The following PDE4D variants were observed in gnomAD, a reference collection of about 807,000 sequenced individuals.
The protein encoded by PDE4D is phosphodiesterase 4D, also known as 3',5'-cyclic-AMP phosphodiesterase 4D.
A neutral mutation model predicts 87.4 loss-of-function variants in PDE4D; 24 were observed. That is an observed-to-expected ratio of 0.27 (90% confidence interval 0.20 to 0.39). The LOEUF (loss-of-function observed/expected upper bound fraction) is 0.39. Ranked by LOEUF, PDE4D falls within the 10% of genes least tolerant of loss-of-function variation. The pLI is 1.00. For synonymous variants in PDE4D, 384 were observed against 383.2 expected (o/e 1.00, Z -0.02); for missense variants, 714 against 1,041.0 (o/e 0.69, Z 4.32).
At chr5:58,999,660 A>C in intron 6 of PDE4D, 1 of 1,130,196 alleles carries the variant, frequency 8.8e-7, no homozygotes, top group Non-Finnish European at 1.1e-6. Context: ...GAGTTTTTAA[A>C]GATTTTTGGT....
In PDE4D at chr5:58,973,873, A is replaced by G. The variant is rs1170641494; in HGVS notation, c.*791T>C. ...AAGTCATTGGTATATAAAACAAACAATGAATCACTACAAATCAGTTAATTG... is the reference window on the plus strand; with the variant it reads ...AAGTCATTGGTATATAAAACAAACAGTGAATCACTACAAATCAGTTAATTG... On this transcript the variant is annotated 3_prime_UTR_variant, in exon 15 of 15. Coordinates refer to ENST00000340635, the MANE Select transcript of PDE4D (RefSeq NM_001104631.2). 1 of 152,636 alleles carries G rather than the reference A, an allele frequency of 6.6e-6. No individual in the cohort carries two copies. Among genetic ancestry groups the G allele is most frequent in the East Asian group, 1.9e-4 (1 of 5,192 alleles). The allele number at this position is 152,636 out of a possible 1,614,324, so 9.5% of individuals were successfully genotyped here. A position where few individuals can be genotyped will look rare whatever the true frequency, so the allele number is the denominator to read the frequency against.
At chr5:59,779,092 G>A (rs1764353223) in intron 1 of PDE4D, among the ~76,000 whole-genome samples, 1 of 152,020 alleles carries the variant, frequency 6.6e-6, no homozygotes, top group African/African-American at 2.4e-5. Flanking sequence ...GACCTAGGAG[G>A]CGGAGGTTGC....
chr5:59,668,812 AGAAGAAGAAGAAGAAGAAGAG>A (rs1746551876), intron 1 of PDE4D, among the ~76,000 whole-genome samples: 1 of 90,522 alleles, frequency 1.1e-5, no homozygotes, highest in African/African-American at 5.3e-5. Flanking sequence ...AGAAAGAAGA[AGAAGAAGAAGAAGAAGAAGAG>A]GAAGAGGAAG....
At chr5:60,402,595 C>T (rs1299651702) in intron 1 of PDE4D, among the ~76,000 whole-genome samples, 1 of 152,198 alleles carries the variant, frequency 6.6e-6, no homozygotes, top group East Asian at 1.9e-4. Flanking sequence ...AGTGGACAGT[C>T]ACGCTTCAGA....
At chr5:60,063,720 AT>A (rs1232864191) in intron 2 of PDE4D, among the ~76,000 whole-genome samples, 5 of 152,148 alleles carry the variant, frequency 3.3e-5, no homozygotes, top group Non-Finnish European at 7.4e-5. Context: ...AGTATAACTG[AT>A]TTTAATAGAT....
chr5:60,456,126 G>A (rs555368310), intron 1 of PDE4D, among the ~76,000 whole-genome samples: 104 of 152,242 alleles, frequency 6.8e-4, no homozygotes, highest in African/African-American at 2.4e-3. Context: ...GTTCACCTTC[G>A]GGAGATGAGA....
chr5:59,525,220 A>T (rs1434871615), intron 1 of PDE4D, among the ~76,000 whole-genome samples: 1 of 152,158 alleles, frequency 6.6e-6, no homozygotes, highest in Non-Finnish European at 1.5e-5. Context: ...ACCCTGAAAA[A>T]CCACAGGGGT....
intron 1 of PDE4D, among the ~76,000 whole-genome samples, chr5:59,647,690 A>C (rs189869656): frequency 1.3e-5 from 2 of 152,284 alleles, no homozygotes; most frequent in African/African-American, 4.8e-5. Flanking sequence ...CTGTGAAAAC[A>C]CTTTAAGTAT....
intron 3 of PDE4D, among the ~76,000 whole-genome samples, chr5:59,910,570 G>A (rs1162078579): frequency 1.3e-5 from 2 of 152,130 alleles, no homozygotes; most frequent in African/African-American, 2.4e-5. Flanking sequence ...AATCTTGTTG[G>A]CTGATTCAAG....
intron 1 of PDE4D, among the ~76,000 whole-genome samples, chr5:60,408,341 C>T (rs1005790112): frequency 3.9e-5 from 6 of 152,214 alleles, no homozygotes; most frequent in Admixed American, 2.0e-4. Flanking sequence ...TGATCTTTCT[C>T]TGTGGAGGCT....
intron 5 of PDE4D, among the ~76,000 whole-genome samples, chr5:59,145,525 A>G (rs1778511126): frequency 1.3e-5 from 2 of 152,350 alleles, no homozygotes; most frequent in South Asian, 4.1e-4. Flanking sequence ...CAATGAATGG[A>G]TTTAAAATGC....
chr5:60,515,601 C>CTTTTTTTTTTTTTTTT lies in PDE4D; in HGVS notation n.70+6434_70+6449dup, dbSNP rs954970783. Among the ~76,000 whole-genome samples the CTTTTTTTTTTTTTTTT allele has an allele frequency of 2.2e-3, 233 of 106,766 alleles. 2 individuals carry two copies. Among genetic ancestry groups the CTTTTTTTTTTTTTTTT allele is most frequent in the African/African-American group, 6.4e-3 (201 of 31,368 alleles). 70.0% of individuals were successfully genotyped at this position (106,766 alleles called of 152,430 possible). ...CTGAGCTTTCTTTCCTTTTCTTTTT[C>CTTTTTTTTTTTTTTTT]TTTTTTTTTTTTTTTTTTCTGTCAG... On this transcript the variant is annotated intron_variant and non_coding_transcript_variant, in intron 1 of 2. Coordinates refer to the PDE4D transcript ENST00000506510.
At chr5:59,177,019 C>T (rs910199413) in intron 5 of PDE4D, among the ~76,000 whole-genome samples, 1 of 152,180 alleles carries the variant, frequency 6.6e-6, no homozygotes, top group Non-Finnish European at 1.5e-5. Flanking sequence ...CCCTTTCCTT[C>T]GTTTGTGTCT....
intron 2 of PDE4D, among the ~76,000 whole-genome samples, chr5:59,200,146 C>T (rs1746712819): frequency 6.7e-6 from 1 of 149,402 alleles, no homozygotes; most frequent in East Asian, 2.0e-4. Flanking sequence ...TGTATGTACA[C>T]GTATATGTAT....
intron 5 of PDE4D, among the ~76,000 whole-genome samples, chr5:59,125,755 A>G (rs1011811207): frequency 5.9e-5 from 9 of 152,296 alleles, no homozygotes; most frequent in Admixed American, 1.3e-4. Flanking sequence ...AATGACAGAC[A>G]CAAGTGACAG....
chr5:59,020,932 CA>C (rs1361738916), intron 6 of PDE4D, among the ~76,000 whole-genome samples: 1 of 152,154 alleles, frequency 6.6e-6, no homozygotes, highest in Non-Finnish European at 1.5e-5. Flanking sequence ...TTCTCAGCTG[CA>C]TTTTCATTTT....
At chr5:60,123,982 G>C (rs954581214) in intron 2 of PDE4D, among the ~76,000 whole-genome samples, 3 of 152,018 alleles carry the variant, frequency 2.0e-5, no homozygotes, top group African/African-American at 7.2e-5. Flanking sequence ...TAATATCCCA[G>C]TACAAATGGT....
At chr5:59,353,079 T>G (rs1582115948) in intron 1 of PDE4D, among the ~76,000 whole-genome samples, 1 of 152,292 alleles carries the variant, frequency 6.6e-6, no homozygotes, top group East Asian at 1.9e-4. Context: ...AAATGTACCT[T>G]GAGTGACTTT....
chr5:59,924,827 G>A (rs1044921933), intron 3 of PDE4D, among the ~76,000 whole-genome samples: 6 of 152,056 alleles, frequency 3.9e-5, no homozygotes, highest in Non-Finnish European at 5.9e-5. Context: ...TTATAATTGC[G>A]ATGTTTAAAC....
Sources: allele counts gnomAD v4.1 joint callset (sites outside exome capture counted in the v4.1 genomes callset), GRCh38; gene constraint gnomAD v4.1.1; transcripts MANE v1.5; gene names NCBI Gene and HGNC (gene_info 2026-07-23, HGNC 2026-07-21).